Variants in UPF1 observed in about 807,000 individuals in gnomAD.
UPF1 encodes the protein regulator of nonsense transcripts 1.
A neutral mutation model predicts 129.2 loss-of-function variants in UPF1; 9 were observed. The observed-to-expected ratio is 0.07, with a 90% CI of 0.04 to 0.12. UPF1 has a LOEUF of 0.12. Ranked by LOEUF, UPF1 falls within the 10% of genes least tolerant of loss-of-function variation. The pLI is 1.00. For missense variants in UPF1, 788 were observed against 1,525.3 expected (o/e 0.52, Z 8.05); for synonymous variants, 649 against 644.9 (o/e 1.01, Z -0.10).
chr19:18,864,652 G>A (rs1459687205), intron 20 of UPF1, among the ~76,000 whole-genome samples: 1 of 150,692 alleles, frequency 6.6e-6, no homozygotes, highest in Non-Finnish European at 1.5e-5. Flanking sequence ...TCAAACTCCT[G>A]CCTCAAGCAG....
In UPF1 at chr19:18,865,951, G is replaced by A. The variant is rs2055838888; in HGVS notation, c.3238-93G>A. On this transcript the variant is annotated intron_variant, in intron 22 of 23. Transcript: ENST00000262803. The surrounding 1 kb of genome is among the most constrained non-coding windows in gnomAD (Gnocchi z 6.1). ...CTCCTGGGTCTTAGTTTGGGGACGG[G>A]TTTTCCATTCTTTTCTCTGGGGCTG... 33 of 1,596,348 alleles carry A rather than the reference G, an allele frequency of 2.1e-5. No individual in the cohort carries two copies. In the South Asian group the frequency reaches 3.7e-4, roughly 18 times the overall value.
chr19:18,861,384 G>A lies in UPF1; in HGVS notation c.2457+402G>A, dbSNP rs146844519. Among the ~76,000 whole-genome samples the A allele has an allele frequency of 1.4e-3, 220 of 152,340 alleles. 4 individuals are homozygous for A. In the East Asian group the frequency reaches 0.041, roughly 28 times the overall value. ...TGAAACACCCACTGCGGGTGTGTGGGGAGGAGGCACAGCTCTGCCTCCATG... is the reference window on the plus strand; with the variant it reads ...TGAAACACCCACTGCGGGTGTGTGGAGAGGAGGCACAGCTCTGCCTCCATG... On this transcript the variant is annotated intron_variant, in intron 17 of 23. Coordinates refer to ENST00000262803, the MANE Select transcript of UPF1 (RefSeq NM_002911.4).
intron 5 of UPF1, 132 bp from the exon 6 acceptor site, chr19:18,852,003 C>T: frequency 7.5e-7 from 1 of 1,339,834 alleles, no homozygotes; most frequent in East Asian, 2.8e-5. Flanking sequence ...GCCAGAACCC[C>T]TCCATGCCAC....
At chr19:18,861,487 T>C (rs1243421192) in intron 17 of UPF1, among the ~76,000 whole-genome samples, 1 of 152,216 alleles carries the variant, frequency 6.6e-6, no homozygotes, top group East Asian at 1.9e-4. Flanking sequence ...CGGCTCAGGT[T>C]CTCTGGGATG....
At chr19:18,848,981 A>G (rs1338607252) in intron 3 of UPF1, 2 of 152,258 alleles carry the variant, frequency 1.3e-5, no homozygotes, top group African/African-American at 2.4e-5. Context: ...CTGAGAAACA[A>G]CAGGCTTGAG....
chr19:18,861,783 G>A (rs559980192), intron 17 of UPF1, among the ~76,000 whole-genome samples: 13 of 152,312 alleles, frequency 8.5e-5, no homozygotes, highest in African/African-American at 2.9e-4. Context: ...AGCTGAGATT[G>A]TACCACTGTA....
rs749864487 is a variant in UPF1, at chr19:18,832,316, C to T, written c.107C>T (p.Thr36Ile). Residue 36 changes from threonine (T) to isoleucine (I), a missense_variant, in exon 1 of 24, where the codon ACC becomes ATC. Transcript: ENST00000262803. This position sits in a 1 kb window ranked among gnomAD's most constrained non-coding sequence, Gnocchi z 5.6. ...ADTQGSEFEF[T>I]DFTLPSQTQT... Reference sequence around the variant, plus strand: ...ACACAGGGCTCCGAGTTCGAGTTCACCGACTTTACTCTTCCTAGCCAGACG... The same window carrying T: ...ACACAGGGCTCCGAGTTCGAGTTCATCGACTTTACTCTTCCTAGCCAGACG... 2 of 1,528,072 alleles carry T rather than the reference C, an allele frequency of 1.3e-6. No homozygotes were observed. The highest frequency in any genetic ancestry group is 1.8e-6 in the Non-Finnish European group (2 of 1,134,350). The allele number at this position is 1,528,072 out of a possible 1,614,324, so 94.7% of individuals were successfully genotyped here. A position where few individuals can be genotyped will look rare whatever the true frequency, so the allele number is the denominator to read the frequency against.
chr19:18,858,600 A>C (rs908940529), intron 15 of UPF1, among the ~76,000 whole-genome samples: 2 of 151,936 alleles, frequency 1.3e-5, no homozygotes, highest in African/African-American at 4.8e-5. Flanking sequence ...AGGCTGTAAA[A>C]ACAAACCCAT....
rs368976978 is a variant in UPF1 at position 18,867,204 on chromosome 19, AGAG to A, written c.*691_*693del. 1.7e-4 allele frequency: 26 copies of A among 152,492 alleles called. No homozygotes were observed. The highest frequency in any genetic ancestry group is 5.8e-4 in the African/African-American group (24 of 41,592). The allele number at this position is 152,492 out of a possible 1,614,324, so 9.4% of individuals were successfully genotyped here. A position where few individuals can be genotyped will look rare whatever the true frequency, so the allele number is the denominator to read the frequency against. On this transcript the variant is annotated 3_prime_UTR_variant, in exon 24 of 24. Coordinates refer to ENST00000262803, the MANE Select transcript of UPF1 (RefSeq NM_002911.4). ...TTAAACAAGCCAGCGCTACTGGAGA[AGAG>A]GAGCAACACCTGTGCCGCGGCCGGA...
intron 11 of UPF1, chr19:18,855,506 C>T (rs1021440099): frequency 3.2e-5 from 18 of 565,526 alleles, no homozygotes; most frequent in African/African-American, 2.4e-4. Flanking sequence ...GTTCCGTGTG[C>T]GGCACTTTAT....
At chr19:18,852,483 T>C (rs1884917627) in intron 6 of UPF1, among the ~76,000 whole-genome samples, 187 bp downstream of exon 6, 1 of 152,188 alleles carries the variant, frequency 6.6e-6, no homozygotes, top group South Asian at 2.1e-4. Flanking sequence ...CGCCCTCAGA[T>C]CTGACATCAG....
Position 18,851,188 on chromosome 19 carries a change from A to G in UPF1, c.810+320A>G, listed in dbSNP as rs956259098. Reference sequence around the variant, plus strand: ...CTGGCTGTGGGCAGACTTGTCCTGCAGAGCCTGAACCTGCCCAGACAGGTG... The same window carrying G: ...CTGGCTGTGGGCAGACTTGTCCTGCGGAGCCTGAACCTGCCCAGACAGGTG... On this transcript the variant is annotated intron_variant, in intron 5 of 23. Transcript: ENST00000262803. This position sits in a 1 kb window ranked among gnomAD's most constrained non-coding sequence, Gnocchi z 4.2. 1.3e-5 allele frequency: 3 copies of G among 239,244 alleles called. No individual in the cohort carries two copies. Among genetic ancestry groups the G allele is most frequent in the African/African-American group, 6.8e-5 (3 of 44,398 alleles). 14.8% of individuals were successfully genotyped at this position (239,244 alleles called of 1,614,324 possible).
intron 2 of UPF1, 78 bp downstream of exon 2, chr19:18,846,197 C>T (rs2055596327): frequency 1.3e-6 from 2 of 1,583,558 alleles, no homozygotes; most frequent in African/African-American, 1.3e-5. Context: ...CACTCACCTC[C>T]CAGGTACAGG....
rs759868458 is a variant in UPF1 at position 18,865,529 on chromosome 19, CCTT to C, written c.3020-30_3020-28del. 1.5e-5 allele frequency: 24 copies of C among 1,613,332 alleles called. No individual in the cohort carries two copies. The highest frequency in any genetic ancestry group is 5.3e-5 in the African/African-American group (4 of 74,934). On this transcript the variant is annotated intron_variant, in intron 21 of 23. Transcript: ENST00000262803. This position sits in a 1 kb window ranked among gnomAD's most constrained non-coding sequence, Gnocchi z 6.1. ...GTGCTTGTCTGCGAGGCCCTGGCCT[CCTT>C]CGGATCACCCTGGACTGCTGTCTTT... is the stretch of plus-strand genomic sequence containing the variant.
rs763927139 is a variant in UPF1, at chr19:18,832,352, C to A, written c.143C>A (p.Pro48His). 1 of 1,339,232 alleles carries A rather than the reference C, an allele frequency of 7.5e-7. No individual in the cohort carries two copies. The highest frequency in any genetic ancestry group is 2.3e-5 in the Admixed American group (1 of 43,682). 83.0% of individuals were successfully genotyped at this position (1,339,232 alleles called of 1,614,324 possible). Residue 48 changes from proline to histidine, a missense_variant, in exon 1 of 24, where the codon CCC becomes CAC. Around this residue, in one of 6 missense-constraint regions of UPF1, gnomAD observed 112 missense variants for 128.2 expected, o/e 0.87. Coordinates refer to ENST00000262803, the MANE Select transcript of UPF1 (RefSeq NM_002911.4). This position sits in a 1 kb window ranked among gnomAD's most constrained non-coding sequence, Gnocchi z 5.6. ...CTTCCTAGCCAGACGCAGACGCCCC[C>A]CGGCGGCCCCGGCGGCCCGGGCGGT... is the stretch of plus-strand genomic sequence containing the variant. ...FTLPSQTQTP[P>H]GGPGGPGGGG...
In UPF1 at chr19:18,865,235, G is replaced by A. The variant is rs1159054211; in HGVS notation, c.2858-54G>A. ...TGGCTGGTGGGGTGGGTGGGGTATC[G>A]CTGGGGTTTGACCGAGGCAGGTGAC... On this transcript the variant is annotated intron_variant, in intron 20 of 23. Coordinates refer to ENST00000262803, the MANE Select transcript of UPF1 (RefSeq NM_002911.4). This position sits in a 1 kb window ranked among gnomAD's most constrained non-coding sequence, Gnocchi z 6.1. 2.6e-6 allele frequency: 4 copies of A among 1,538,280 alleles called. No individual in the cohort carries two copies. The highest frequency in any genetic ancestry group is 2.4e-5 in the East Asian group (1 of 42,374).
chr19:18,864,471 A>G (rs2055817221), intron 20 of UPF1, among the ~76,000 whole-genome samples: 1 of 152,264 alleles, frequency 6.6e-6, no homozygotes. Context: ...CCTGGTGATC[A>G]AGCTAGTTAG....
At chr19:18,857,205 C>T in intron 14 of UPF1, 115 bp from the exon 15 acceptor site, 1 of 1,460,600 alleles carries the variant, frequency 6.8e-7, no homozygotes, top group Non-Finnish European at 9.3e-7. Context: ...GTGAGCAATG[C>T]CCCTGTGGCC....
chr19:18,861,831 A>G (rs1226222506), intron 17 of UPF1, among the ~76,000 whole-genome samples, 179 bp from the exon 18 acceptor site: 1 of 152,162 alleles, frequency 6.6e-6, no homozygotes, highest in Non-Finnish European at 1.5e-5. Flanking sequence ...CTGTCTCTAA[A>G]AAAAGAAAAC....
Sources: gnomAD v4.1 joint callset for allele counts (sites outside exome capture counted in the v4.1 genomes callset) on GRCh38, gnomAD v4.1.1 for gene constraint, gnomAD v4.1.1 regional missense constraint, Gnocchi (gnomAD v3.1) non-coding constraint, MANE v1.5 for transcripts, NCBI Gene and HGNC (gene_info 2026-07-23, HGNC 2026-07-21) for gene names.